The following STAG1 variants were observed in gnomAD, a reference collection of about 807,000 sequenced individuals.
STAG1 encodes the protein STAG1 cohesin complex component.
A neutral mutation model predicts 170.9 loss-of-function variants in STAG1; 26 were observed. The observed-to-expected ratio is 0.15, with a 90% CI of 0.11 to 0.21. The LOEUF (loss-of-function observed/expected upper bound fraction) is 0.21, where lower values mean the gene tolerates loss of function less well. Ranked by LOEUF, STAG1 falls within the 10% of genes least tolerant of loss-of-function variation. The pLI is 1.00. For missense variants in STAG1, 964 were observed against 1,509.5 expected (o/e 0.64, Z 5.99); for synonymous variants, 514 against 497.7 (o/e 1.03, Z -0.44).
intron 3 of STAG1, among the ~76,000 whole-genome samples, chr3:136,611,151 T>C (rs975739750): frequency 6.6e-6 from 1 of 152,144 alleles, no homozygotes; most frequent in African/African-American, 2.4e-5. Context: ...GAATTTTACA[T>C]AATTTTTTTT....
chr3:136,444,519 C>T (rs1365410821), intron 14 of STAG1, among the ~76,000 whole-genome samples: 1 of 152,200 alleles, frequency 6.6e-6, no homozygotes, highest in African/African-American at 2.4e-5. Flanking sequence ...TTCAGTTAAA[C>T]AGTCCTGGTA....
intron 1 of STAG1, among the ~76,000 whole-genome samples, chr3:136,703,394 A>G (rs976851623): frequency 1.3e-5 from 2 of 152,222 alleles, no homozygotes; most frequent in Admixed American, 6.5e-5. Flanking sequence ...AGGGTGGACA[A>G]TAAGTGCCTT....
chr3:136,401,653 T>C, intron 21 of STAG1, among the ~76,000 whole-genome samples: 1 of 152,206 alleles, frequency 6.6e-6, no homozygotes, highest in Non-Finnish European at 1.5e-5. Context: ...AGTATTGCAC[T>C]GTCTCCCGGG....
chr3:136,563,371 C>A (rs1936919937), intron 5 of STAG1, among the ~76,000 whole-genome samples: 1 of 151,998 alleles, frequency 6.6e-6, no homozygotes, highest in African/African-American at 2.4e-5. Context: ...AGGATATTCT[C>A]CCTCCATCTT....
chr3:136,501,331 T>C (rs1576537834), intron 8 of STAG1, among the ~76,000 whole-genome samples: 1 of 151,806 alleles, frequency 6.6e-6, no homozygotes, highest in Non-Finnish European at 1.5e-5. Context: ...ACATTGAAGT[T>C]CTAACCCCTA....
intron 16 of STAG1, among the ~76,000 whole-genome samples, chr3:136,423,848 TCA>T (rs1379840032): frequency 1.3e-5 from 2 of 151,990 alleles, no homozygotes; most frequent in Non-Finnish European, 2.9e-5. Context: ...ATTTGATTGT[TCA>T]GTCTTTTTTT....
intron 1 of STAG1, among the ~76,000 whole-genome samples, chr3:136,720,477 A>G (rs945762327): frequency 6.6e-6 from 1 of 152,166 alleles, no homozygotes; most frequent in South Asian, 2.1e-4. Context: ...TCTGAGCTCA[A>G]TAACAGTCAC....
At chr3:136,462,507 C>A (rs1049511774) in intron 13 of STAG1, among the ~76,000 whole-genome samples, 1 of 152,056 alleles carries the variant, frequency 6.6e-6, no homozygotes, top group Non-Finnish European at 1.5e-5. Context: ...CCTGGAGGGG[C>A]AGTAGAATGA....
intron 1 of STAG1, among the ~76,000 whole-genome samples, chr3:136,696,365 G>T (rs919491904): frequency 6.6e-6 from 1 of 152,110 alleles, no homozygotes; most frequent in Non-Finnish European, 1.5e-5. Context: ...GTTTAGCTAG[G>T]TATGACAATT....
At chr3:136,508,753 A>G (rs1334960896) in intron 7 of STAG1, among the ~76,000 whole-genome samples, 1 of 152,242 alleles carries the variant, frequency 6.6e-6, no homozygotes, top group Non-Finnish European at 1.5e-5. Context: ...CAGACTCAAG[A>G]CTGCACGACT....
chr3:136,610,098 G>A (rs1019705051), intron 3 of STAG1, among the ~76,000 whole-genome samples: 4 of 151,664 alleles, frequency 2.6e-5, no homozygotes, highest in Admixed American at 6.6e-5. Context: ...ACAGTGGTGC[G>A]ATCTCAGCTC....
intron 20 of STAG1, among the ~76,000 whole-genome samples, 199 bp from the exon 21 acceptor site, chr3:136,418,171 T>C (rs564478034): frequency 6.6e-6 from 1 of 151,922 alleles, no homozygotes; most frequent in East Asian, 1.9e-4. Context: ...CTGGCCAACA[T>C]GGTGAAACCC....
intron 1 of STAG1, among the ~76,000 whole-genome samples, chr3:136,722,124 G>C (rs981880848): frequency 6.6e-6 from 1 of 151,652 alleles, no homozygotes. Context: ...TTAGGAGGCT[G>C]AGATGGGAGG....
chr3:136,467,270 C>A (rs576580913), intron 12 of STAG1, among the ~76,000 whole-genome samples: 18 of 152,214 alleles, frequency 1.2e-4, no homozygotes, highest in East Asian at 5.8e-4. Flanking sequence ...ACCCATCTCA[C>A]ATGCAGAGAC....
At chr3:136,698,829 T>C (rs1942969954) in intron 1 of STAG1, among the ~76,000 whole-genome samples, 1 of 151,896 alleles carries the variant, frequency 6.6e-6, no homozygotes, top group African/African-American at 2.4e-5. Context: ...AACCAATGAG[T>C]GGATGAAATA....
intron 1 of STAG1, among the ~76,000 whole-genome samples, chr3:136,714,235 T>A (rs1402502765): frequency 2.0e-5 from 3 of 151,960 alleles, no homozygotes; most frequent in African/African-American, 7.3e-5. Context: ...TATGTGAAGC[T>A]CAAAAACAGA....
chr3:136,616,268 C>CAA (rs367863678), intron 3 of STAG1, among the ~76,000 whole-genome samples: 3 of 122,054 alleles, frequency 2.5e-5, no homozygotes, highest in Non-Finnish European at 3.5e-5. Flanking sequence ...GACTCCGTCT[C>CAA]AAAAAAAAAA....
chr3:136,647,792 C>T (rs533975802), intron 1 of STAG1, among the ~76,000 whole-genome samples: 1 of 152,228 alleles, frequency 6.6e-6, no homozygotes, highest in African/African-American at 2.4e-5. Context: ...TGAAGAAAGG[C>T]AGTTTATATT....
At chr3:136,541,846 G>C (rs1935919114) in intron 6 of STAG1, among the ~76,000 whole-genome samples, 1 of 152,062 alleles carries the variant, frequency 6.6e-6, no homozygotes, top group African/African-American at 2.4e-5. Flanking sequence ...TTGGGAATTT[G>C]AGATGGTCTT....
Sources: gnomAD v4.1 joint callset for allele counts (sites outside exome capture counted in the v4.1 genomes callset) on GRCh38, gnomAD v4.1.1 for gene constraint, MANE v1.5 for transcripts, NCBI Gene and HGNC (gene_info 2026-07-23, HGNC 2026-07-21) for gene names.